The following UCKL1 variants were observed in gnomAD, a reference collection of about 807,000 sequenced individuals.
UCKL1 encodes uridine-cytidine kinase-like 1.
In UCKL1, 65 loss-of-function variants were observed where a neutral mutation model predicts 59.2. The observed-to-expected ratio is 1.10, with a 90% CI of 0.90 to 1.35. UCKL1 has a LOEUF of 1.35. Among genes scored for constraint, UCKL1 ranks in the 40% most tolerant of loss-of-function variants. The pLI, the probability that UCKL1 is intolerant of heterozygous loss-of-function variation, is 0.00. For synonymous variants in UCKL1, 410 were observed against 323.1 expected (o/e 1.27, Z -2.88); for missense variants, 703 against 784.3 (o/e 0.90, Z 1.24).
rs1235499060 is a variant in UCKL1 at position 63,945,819 on chromosome 20, G to T, written c.568C>A (p.Arg190=). 1 of 1,613,510 alleles carries T rather than the reference G, an allele frequency of 6.2e-7. No homozygotes were observed. Among genetic ancestry groups the T allele is most frequent in the Non-Finnish European group, 8.5e-7 (1 of 1,179,962 alleles). Reference sequence around the variant, plus strand: ...CCCTGGCCTACCCAGTCCTTCTTCCGGCTGTGCGTGGTGAAGTCATAAATG... The same window carrying T: ...CCCTGGCCTACCCAGTCCTTCTTCCTGCTGTGCGTGGTGAAGTCATAAATG... ...VPIYDFTTHS[R]KKDWKTLYGA... is the part of the protein sequence containing the mutation. Residue 190 remains arginine (R), a synonymous_variant, in exon 4 of 15, where the codon CGG becomes AGG. Coordinates refer to ENST00000354216, the MANE Select transcript of UCKL1 (RefSeq NM_017859.4).
At chr20:63,945,202 G>A (rs374584048) in intron 5 of UCKL1, among the ~76,000 whole-genome samples, 1 of 152,192 alleles carries the variant, frequency 6.6e-6, no homozygotes, top group Admixed American at 6.5e-5. Context: ...GAGGCTGGGG[G>A]CTGCTATGTG....
chr20:63,955,711 GC>G (rs1375421388), intron 1 of UCKL1: 3 of 152,230 alleles, frequency 2.0e-5, no homozygotes, highest in Non-Finnish European at 4.4e-5. Context: ...TCCCAGAGGG[GC>G]CACTCGGGGT....
chr20:63,948,616 G>T lies in UCKL1; in HGVS notation c.114-1973C>A, dbSNP rs188505402. 8.9e-4 allele frequency: 123 copies of T among 138,172 alleles called. 1 individual carries two copies. The highest frequency in any genetic ancestry group is 3.3e-3 in the African/African-American group (114 of 35,042). 8.6% of individuals were successfully genotyped at this position (138,172 alleles called of 1,614,324 possible). A position where few individuals can be genotyped will look rare whatever the true frequency, so the allele number is the denominator to read the frequency against. On this transcript the variant is annotated intron_variant, in intron 1 of 14. Coordinates refer to ENST00000354216, the MANE Select transcript of UCKL1 (RefSeq NM_017859.4). ...GGGAGGGGGCGTGTGTGAGAGGGAG[G>T]GGCGTGTGTGAGAGGGAAGGGGCGT...
intron 1 of UCKL1, chr20:63,951,173 A>G (rs915051240): frequency 1.1e-5 from 11 of 1,040,122 alleles, no homozygotes; most frequent in South Asian, 4.5e-5. Flanking sequence ...GGCCACAGGC[A>G]TAAGAGGATC....
At position 63,945,803 on chromosome 20, in the gene UCKL1, A is replaced by C; in HGVS notation, c.582+2T>G. The C allele has an allele frequency of 6.2e-7, 1 of 1,613,464 alleles. No individual in the cohort carries two copies. The highest frequency in any genetic ancestry group is 1.1e-5 in the South Asian group (1 of 91,074). On this transcript the variant is annotated splice_donor_variant, in intron 4 of 14. Transcript: ENST00000354216. LOFTEE classifies it high-confidence loss of function. Reference sequence around the variant, plus strand: ...GGCCCCCTCTGCAGGGCCCTGGCCTACCCAGTCCTTCTTCCGGCTGTGCGT... The same window carrying C: ...GGCCCCCTCTGCAGGGCCCTGGCCTCCCCAGTCCTTCTTCCGGCTGTGCGT...
In UCKL1 at chr20:63,956,356, G is replaced by C. The variant is rs775373658; in HGVS notation, c.17C>G (p.Ala6Gly). The C allele has an allele frequency of 6.5e-7, 1 of 1,532,338 alleles. No individual in the cohort carries two copies. Among genetic ancestry groups the C allele is most frequent in the South Asian group, 1.2e-5 (1 of 82,584 alleles). 94.9% of individuals were successfully genotyped at this position (1,532,338 alleles called of 1,614,324 possible). Reference sequence around the variant, plus strand: ...GGGCGAAGGATCAGCGTCCGCGCGGGCCGGGGGCGCAGCCATGGCGCTCGG... The same window carrying C: ...GGGCGAAGGATCAGCGTCCGCGCGGCCCGGGGGCGCAGCCATGGCGCTCGG... Reference protein sequence around the residue: MAAPPARADADPSPTS... With the variant: MAAPPGRADADPSPTS... The change falls in exon 1 of 15, where the codon GCC becomes GGC. Residue 6 changes from alanine (A) to glycine (G), a missense_variant. Ala to Gly is a moderately conservative substitution (Grantham distance 60, BLOSUM62 0). This residue lies in a region of UCKL1 where 398 missense variants were observed against 373.0 expected (regional missense o/e 1.07). Coordinates refer to ENST00000354216, the MANE Select transcript of UCKL1 (RefSeq NM_017859.4).
At chr20:63,956,110 A>G in intron 1 of UCKL1, 150 bp downstream of exon 1, 1 of 744,114 alleles carries the variant, frequency 1.3e-6, no homozygotes, top group Non-Finnish European at 2.0e-6. Flanking sequence ...GCGGGGTTCC[A>G]CCCGGCACGT....
rs1417305378 is a variant in UCKL1, at chr20:63,946,220, T to A, written c.352A>T (p.Ile118Phe). 6.2e-7 allele frequency: 1 copy of A among 1,609,984 alleles called. No individual in the cohort carries two copies. Among genetic ancestry groups the A allele is most frequent in the Admixed American group, 1.7e-5 (1 of 59,684 alleles). The change falls in exon 3 of 15, where the codon ATC becomes TTC. Residue 118 changes from isoleucine (I) to phenylalanine (F), a missense_variant. Physicochemically the swap from Ile to Phe is conservative, Grantham distance 21. Coordinates refer to ENST00000354216, the MANE Select transcript of UCKL1 (RefSeq NM_017859.4). ...CAGGGCACATCCAGGGCCTCGATGA[T>A]CATTCTGGCCACAGTGGTCTTCCCA... is the stretch of plus-strand genomic sequence containing the variant. ...ASGKTTVARM[I>F]IEALDVPWVV...
intron 7 of UCKL1, 127 bp downstream of exon 7, chr20:63,944,270 G>A (rs2055513480): frequency 2.2e-6 from 2 of 926,980 alleles, no homozygotes; most frequent in Admixed American, 2.4e-5. Flanking sequence ...GGACACTCAG[G>A]GCTGGCACCT....
chr20:63,950,866 G>A, intron 1 of UCKL1: 1 of 1,466,288 alleles, frequency 6.8e-7, no homozygotes, highest in Non-Finnish European at 9.0e-7. Flanking sequence ...CAGCAGAGTG[G>A]CCCCAGGGGT....
chr20:63,954,181 A>G (rs1293493786), intron 1 of UCKL1: 1 of 152,788 alleles, frequency 6.5e-6, no homozygotes, highest in Non-Finnish European at 1.5e-5. Context: ...CCACCCCACC[A>G]CTCAGGAAAC....
chr20:63,946,771 T>TG, intron 1 of UCKL1, 128 bp from the exon 2 acceptor site: 3 of 959,152 alleles, frequency 3.1e-6, no homozygotes, highest in South Asian at 1.6e-5. Context: ...GCAGGCTCAT[T>TG]GGGGGTACAT....
intron 8 of UCKL1, among the ~76,000 whole-genome samples, chr20:63,943,330 G>C (rs2055187540): frequency 6.6e-6 from 1 of 152,232 alleles, no homozygotes; most frequent in Non-Finnish European, 1.5e-5. Flanking sequence ...CCAGAGGCCT[G>C]GCAGTGCTGG....
At chr20:63,948,720 T>C (rs1263992114) in intron 1 of UCKL1, among the ~76,000 whole-genome samples, 3 of 133,704 alleles carry the variant, frequency 2.2e-5, no homozygotes, top group Non-Finnish European at 4.8e-5. Flanking sequence ...GGGGTGTGTG[T>C]GAGAGGGAAG....
intron 1 of UCKL1, among the ~76,000 whole-genome samples, chr20:63,949,247 G>A (rs922417585): frequency 4.6e-5 from 7 of 152,156 alleles, no homozygotes; most frequent in Admixed American, 2.0e-4. Flanking sequence ...GCAGGGCTGA[G>A]CACAAACAAC....
chr20:63,941,180 G>T lies in UCKL1; in HGVS notation c.952C>A (p.His318Asn). 6.4e-7 allele frequency: 1 copy of T among 1,565,594 alleles called. No individual in the cohort carries two copies. The highest frequency in any genetic ancestry group is 1.4e-5 in the African/African-American group (1 of 73,926). Reference protein sequence around the residue: ...RAALASAHQCHPLPRTLSVLK... With the variant: ...RAALASAHQCNPLPRTLSVLK... ...ACGCTCAGCGTCCGGGGCAGCGGGT[G>T]GCACTGGTGTGCCGAGGCCAGCGCA... The change falls in exon 9 of 15, where the codon CAC becomes AAC. Residue 318 changes from histidine (H) to asparagine (N), a missense_variant. His to Asn is a moderately conservative substitution (Grantham distance 68). Around this residue, in one of 4 missense-constraint regions of UCKL1, gnomAD observed 156 missense variants for 185.6 expected, o/e 0.84. Coordinates refer to ENST00000354216, the MANE Select transcript of UCKL1 (RefSeq NM_017859.4).
chr20:63,941,266 T>A, intron 8 of UCKL1, 58 bp from the exon 9 acceptor site: 1 of 1,453,020 alleles, frequency 6.9e-7, no homozygotes, highest in Non-Finnish European at 9.1e-7. Flanking sequence ...GAGCCCTCCC[T>A]CCCCACAGGA....
At chr20:63,956,174 G>A in intron 1 of UCKL1, 86 bp downstream of exon 1, 2 of 1,261,104 alleles carry the variant, frequency 1.6e-6, no homozygotes, top group Non-Finnish European at 2.1e-6. Context: ...TTGGGCTCGC[G>A]GCGGGGACGG....
chr20:63,944,364 G>A, intron 7 of UCKL1, 33 bp downstream of exon 7: 4 of 1,537,716 alleles, frequency 2.6e-6, no homozygotes, highest in Non-Finnish European at 3.5e-6. Flanking sequence ...AGGGGCTGGG[G>A]GCTAGGCCGT....
Sources: gnomAD v4.1 joint callset for allele counts (sites outside exome capture counted in the v4.1 genomes callset) on GRCh38, gnomAD v4.1.1 for gene constraint, gnomAD v4.1.1 regional missense constraint, MANE v1.5 for transcripts, NCBI Gene and HGNC (gene_info 2026-07-23, HGNC 2026-07-21) for gene names.